RAB3B: variants seen among roughly 807,000 people sequenced by gnomAD.
The protein encoded by RAB3B is ras-related protein Rab-3B.
A neutral mutation model predicts 20.5 loss-of-function variants in RAB3B; 11 were observed. The ratio of observed to expected loss-of-function variants is 0.54; its 90% CI spans 0.34 to 0.89. The LOEUF is 0.89. Ranked by LOEUF, RAB3B falls within the 40% of genes least tolerant of loss-of-function variation. The pLI, the probability that RAB3B is intolerant of heterozygous loss-of-function variation, is 0.02. For missense variants in RAB3B, 225 were observed against 280.9 expected (o/e 0.80, Z 1.42); for synonymous variants, 99 against 106.3 (o/e 0.93, Z 0.42).
chr1:51,963,785 T>C (rs1684813132), intron 2 of RAB3B, among the ~76,000 whole-genome samples: 2 of 152,128 alleles, frequency 1.3e-5, no homozygotes, highest in Non-Finnish European at 2.9e-5. Flanking sequence ...CTTTCTCCCC[T>C]GGGAATGTAG....
At chr1:51,971,006 G>A (rs539132829) in intron 2 of RAB3B, among the ~76,000 whole-genome samples, 30 of 103,642 alleles carry the variant, frequency 2.9e-4, no homozygotes, top group Admixed American at 6.1e-4. Context: ...GCGAGACTCC[G>A]TCTCAAAAAA....
chr1:51,973,701 T>C lies in RAB3B; in HGVS notation c.228+3189A>G, dbSNP rs370168592. 7.9e-5 allele frequency among the ~76,000 whole-genome samples: 12 copies of C among 152,306 alleles called. No homozygotes were observed. In the East Asian group the frequency reaches 2.1e-3, roughly 27 times the overall value. On this transcript the variant is annotated intron_variant, in intron 2 of 4. Transcript: ENST00000371655. ...AAAAGCCACATATCCATTATGAGGT[T>C]TCATTTAGTTAAAACTAGACCATGT... is the stretch of plus-strand genomic sequence containing the variant.
chr1:51,974,859 A>G (rs565624895), intron 2 of RAB3B, among the ~76,000 whole-genome samples: 3 of 152,348 alleles, frequency 2.0e-5, no homozygotes, highest in African/African-American at 7.2e-5. Context: ...GACTGCCCCA[A>G]TAAGATATAT....
At position 51,941,828 on chromosome 1, in the gene RAB3B, A is replaced by G. The variant is rs113409782; in HGVS notation, c.229-4416T>C. Among the ~76,000 whole-genome samples, 701 of 152,344 alleles carry G rather than the reference A, an allele frequency of 4.6e-3. 11 individuals carry two copies. Among genetic ancestry groups the G allele is most frequent in the African/African-American group, 0.016 (674 of 41,568 alleles). On this transcript the variant is annotated intron_variant, in intron 2 of 4. Transcript: ENST00000371655. ...CTGACCACATACAGCAGTTCTCCCTATGAGTTCTGGAAGATATTTTCTCCA... is the reference window on the plus strand; with the variant it reads ...CTGACCACATACAGCAGTTCTCCCTGTGAGTTCTGGAAGATATTTTCTCCA...
At chr1:51,926,576 T>C (rs1000331058) in intron 4 of RAB3B, among the ~76,000 whole-genome samples, 5 of 152,184 alleles carry the variant, frequency 3.3e-5, no homozygotes, top group Non-Finnish European at 5.9e-5. Context: ...AGCTGGTATG[T>C]AATGAGTGAG....
intron 2 of RAB3B, among the ~76,000 whole-genome samples, chr1:51,958,508 G>A (rs1304751347): frequency 2.6e-5 from 4 of 152,146 alleles, no homozygotes; most frequent in Non-Finnish European, 5.9e-5. Context: ...CAGATCACCT[G>A]AGGTCAGGAG....
At chr1:51,923,573 G>A (rs1272249888) in intron 4 of RAB3B, among the ~76,000 whole-genome samples, 3 of 152,028 alleles carry the variant, frequency 2.0e-5, no homozygotes, top group Admixed American at 6.6e-5. Context: ...AAAATTAACC[G>A]GGTGTGGTGG....
rs1247157184 is a variant in RAB3B at position 51,912,588 on chromosome 1, TATATATATATATAA to T, written c.*7325_*7338del. 6,709 of 81,794 alleles carry T rather than the reference TATATATATATATAA, an allele frequency of 0.082. 2,241 individuals are homozygous for T. Among genetic ancestry groups the T allele is most frequent in the Middle Eastern group, 0.17 (26 of 154 alleles). The allele number at this position is 81,794 out of a possible 1,614,324, so 5.1% of individuals were successfully genotyped here. A position where few individuals can be genotyped will look rare whatever the true frequency, so the allele number is the denominator to read the frequency against. The stretch of plus-strand genomic sequence containing the variant: ...ATATATATATATATATATATATATA[TATATATATATATAA>T]AAAATGTTACTCCTGTGAGACAGAA... On this transcript the variant is annotated 3_prime_UTR_variant, in exon 5 of 5. Transcript: ENST00000371655.
At chr1:51,979,934 A>T (rs1177232313) in intron 1 of RAB3B, among the ~76,000 whole-genome samples, 3 of 151,810 alleles carry the variant, frequency 2.0e-5, no homozygotes, top group African/African-American at 7.3e-5. Context: ...TCCCAGCTAC[A>T]GGAGGCTGAG....
intron 2 of RAB3B, among the ~76,000 whole-genome samples, chr1:51,952,713 G>T (rs1248464908): frequency 1.3e-5 from 2 of 152,050 alleles, no homozygotes; most frequent in East Asian, 1.9e-4. Flanking sequence ...GAAGAAAAAA[G>T]ATAAAAATGA....
chr1:51,958,823 G>T (rs1684746983), intron 2 of RAB3B, among the ~76,000 whole-genome samples: 1 of 152,322 alleles, frequency 6.6e-6, no homozygotes, highest in Admixed American at 6.5e-5. Flanking sequence ...AGAACTGATA[G>T]GGGTGGGGGT....
chr1:51,948,933 T>C (rs1299156626), intron 2 of RAB3B, among the ~76,000 whole-genome samples: 1 of 152,206 alleles, frequency 6.6e-6, no homozygotes, highest in African/African-American at 2.4e-5. Flanking sequence ...TAAATATTTG[T>C]TGAAAGGATA....
chr1:51,928,325 T>G (rs528766003), intron 4 of RAB3B, among the ~76,000 whole-genome samples: 3 of 152,310 alleles, frequency 2.0e-5, no homozygotes, highest in African/African-American at 7.2e-5. Context: ...CAGGCTGGTC[T>G]CGAACTCCCG....
At position 51,913,607 on chromosome 1, in the gene RAB3B, G is replaced by A. The variant is rs1047334525; in HGVS notation, c.*6320C>T. 6.6e-6 allele frequency: 1 copy of A among 152,050 alleles called. No individual in the cohort carries two copies. Among genetic ancestry groups the A allele is most frequent in the African/African-American group, 2.4e-5 (1 of 41,378 alleles). 9.4% of individuals were successfully genotyped at this position (152,050 alleles called of 1,614,324 possible). On this transcript the variant is annotated 3_prime_UTR_variant, in exon 5 of 5. Transcript: ENST00000371655. ...GTGCTTCAGCCTCCCAAATAGCTGG[G>A]ATTACAGATGCCCGCCACCACACCC...
At chr1:51,957,283 T>C (rs2809946) in intron 2 of RAB3B, among the ~76,000 whole-genome samples, 127,996 of 152,176 alleles carry the variant, frequency 0.84, 54,696 homozygotes, top group East Asian at 1. Flanking sequence ...TTCCCTGCAC[T>C]TTGGCACCCA....
At chr1:51,932,082 T>G (rs546684748) in intron 4 of RAB3B, among the ~76,000 whole-genome samples, 1 of 152,192 alleles carries the variant, frequency 6.6e-6, no homozygotes, top group South Asian at 2.1e-4. Flanking sequence ...ATTAAGCACT[T>G]ATAGTTTGCT....
At chr1:51,969,553 G>T (rs970739) in intron 2 of RAB3B, among the ~76,000 whole-genome samples, 6,103 of 152,244 alleles carry the variant, frequency 0.04, 154 homozygotes, top group African/African-American at 0.055. Context: ...AGTAAAGTAT[G>T]AGCAAGCTGC....
intron 1 of RAB3B, among the ~76,000 whole-genome samples, chr1:51,984,739 T>A (rs78251957): frequency 4.8e-4 from 73 of 152,280 alleles, no homozygotes; most frequent in Admixed American, 2.2e-3. Flanking sequence ...ATTACTTCCT[T>A]GAGAGAGATT....
In RAB3B at chr1:51,937,197, T is replaced by A. The variant is rs1684416960; in HGVS notation, c.347+97A>T. 3 of 907,042 alleles carry A rather than the reference T, an allele frequency of 3.3e-6. No individual in the cohort carries two copies. The South Asian group carries it at 4.5e-5, about 14-fold the overall frequency. 56.2% of individuals were successfully genotyped at this position (907,042 alleles called of 1,614,324 possible). A position where few individuals can be genotyped will look rare whatever the true frequency, so the allele number is the denominator to read the frequency against. ...TCCTGAGGCCAGTAACCATGTCTGA[T>A]TCATCTGGGCTTCCCCAGCACACAA... On this transcript the variant is annotated intron_variant, in intron 3 of 4. Transcript: ENST00000371655.
Sources: gnomAD v4.1 joint callset for allele counts (sites outside exome capture counted in the v4.1 genomes callset) on GRCh38, gnomAD v4.1.1 for gene constraint, MANE v1.5 for transcripts, NCBI Gene and HGNC (gene_info 2026-07-23, HGNC 2026-07-21) for gene names.